Variants in DLG2 observed in about 807,000 individuals in gnomAD.
DLG2 encodes the protein disks large homolog 2.
A neutral mutation model predicts 132.5 loss-of-function variants in DLG2; 45 were observed. The observed-to-expected ratio is 0.34, with a 90% CI of 0.27 to 0.44. The LOEUF is 0.44. Among genes scored for constraint, DLG2 ranks in the 20% least tolerant of loss-of-function variants. DLG2 has a pLI of 1.00. For synonymous variants in DLG2, 424 were observed against 419.6 expected, an observed-to-expected ratio of 1.01 and a Z score of -0.13; for missense variants, 1,045 against 1,196.9, an observed-to-expected ratio of 0.87 and a Z score of 1.87.
chr11:84,070,350 C>T (rs571237890), intron 10 of DLG2, among the ~76,000 whole-genome samples: 1 of 152,294 alleles, frequency 6.6e-6, no homozygotes, highest in Admixed American at 6.5e-5. Flanking sequence ...GGCAAGTTCA[C>T]ACTCCATAGC....
intron 7 of DLG2, among the ~76,000 whole-genome samples, chr11:84,494,006 G>A (rs2099172958): frequency 6.6e-6 from 1 of 152,094 alleles, no homozygotes; most frequent in Non-Finnish European, 1.5e-5. Flanking sequence ...TAAGTGAGGT[G>A]GTTTAAAAGC....
intron 18 of DLG2, among the ~76,000 whole-genome samples, chr11:83,672,800 C>T (rs552444755): frequency 3.3e-5 from 5 of 152,318 alleles, no homozygotes; most frequent in African/African-American, 9.6e-5. Context: ...CGGTGGCTCA[C>T]GCCTGTAATC....
At chr11:85,520,277 A>C (rs1021364787) in intron 3 of DLG2, among the ~76,000 whole-genome samples, 2 of 152,192 alleles carry the variant, frequency 1.3e-5, no homozygotes, top group Admixed American at 6.5e-5. Context: ...AATATCTAGG[A>C]ATACCTTCAA....
intron 6 of DLG2, among the ~76,000 whole-genome samples, chr11:84,548,259 C>T (rs377305318): frequency 3.3e-5 from 5 of 152,108 alleles, no homozygotes; most frequent in South Asian, 2.1e-4. Context: ...AATGAGACAA[C>T]GCTAAGTATT....
At chr11:83,772,773 T>G (rs1014104883) in intron 18 of DLG2, among the ~76,000 whole-genome samples, 12 of 152,090 alleles carry the variant, frequency 7.9e-5, no homozygotes, top group African/African-American at 2.9e-4. Context: ...GTTAAGTGTT[T>G]TTTTCTTCTT....
chr11:85,601,672 A>G (rs1472773368), intron 2 of DLG2, among the ~76,000 whole-genome samples: 1 of 152,022 alleles, frequency 6.6e-6, no homozygotes, highest in East Asian at 1.9e-4. Flanking sequence ...TTGTCTTGCA[A>G]ATTTGCTGAA....
intron 4 of DLG2, among the ~76,000 whole-genome samples, chr11:85,267,709 A>C (rs887228169): frequency 6.6e-6 from 1 of 152,126 alleles, no homozygotes; most frequent in Admixed American, 6.6e-5. Context: ...GAAAATTTTT[A>C]TTTTCATTTT....
chr11:83,713,615 T>C (rs1040814346), intron 18 of DLG2, among the ~76,000 whole-genome samples: 2 of 151,998 alleles, frequency 1.3e-5, no homozygotes, highest in African/African-American at 4.8e-5. Context: ...AAGGAATATA[T>C]TTCCAGAAGA....
intron 18 of DLG2, chr11:83,647,026 T>C (rs2068410278): frequency 6.6e-6 from 1 of 152,148 alleles, no homozygotes; most frequent in Non-Finnish European, 1.5e-5. Context: ...TGTCTGGTGA[T>C]CCTTGCTTAT....
At position 83,639,963 on chromosome 11, in the gene DLG2, GA is replaced by G. The variant is rs560240241; in HGVS notation, c.1826-6639del. On this transcript the variant is annotated intron_variant, in intron 18 of 27. Coordinates refer to ENST00000376104, the MANE Select transcript of DLG2 (RefSeq NM_001142699.3). ...AAATGAGATTTGACTGAAGTGTTCTGAAAATATAAGATAGGTGTTGCTGTTA... is the reference window on the plus strand; with the variant it reads ...AAATGAGATTTGACTGAAGTGTTCTGAAATATAAGATAGGTGTTGCTGTTA... 2.4e-3 allele frequency among the ~76,000 whole-genome samples: 366 copies of G among 152,274 alleles called. 1 individual carries two copies. The highest frequency in any genetic ancestry group is 8.3e-3 in the African/African-American group (344 of 41,572).
intron 7 of DLG2, among the ~76,000 whole-genome samples, chr11:84,315,168 T>C (rs1006708776): frequency 2.6e-5 from 4 of 152,110 alleles, no homozygotes; most frequent in African/African-American, 9.7e-5. Flanking sequence ...TCTATTTCAA[T>C]CCTTGAAAGC....
intron 7 of DLG2, among the ~76,000 whole-genome samples, chr11:84,387,213 T>G (rs772705280): frequency 2.2e-4 from 33 of 152,112 alleles, no homozygotes; most frequent in South Asian, 6.2e-4. Context: ...ATTTACCTAG[T>G]ACCTTCCCCT....
intron 10 of DLG2, among the ~76,000 whole-genome samples, chr11:84,085,326 G>A (rs1246502451): frequency 6.6e-6 from 1 of 152,080 alleles, no homozygotes; most frequent in South Asian, 2.1e-4. Flanking sequence ...TATAAAATTT[G>A]GTTTCAGAAT....
At chr11:83,853,433 C>T (rs1409973187) in intron 16 of DLG2, among the ~76,000 whole-genome samples, 1 of 152,146 alleles carries the variant, frequency 6.6e-6, no homozygotes, top group Non-Finnish European at 1.5e-5. Context: ...GTCTACTATA[C>T]TCCTGGAGGG....
intron 6 of DLG2, among the ~76,000 whole-genome samples, chr11:84,552,180 G>C (rs2099403060): frequency 1.3e-5 from 2 of 152,142 alleles, no homozygotes; most frequent in African/African-American, 2.4e-5. Flanking sequence ...AGATATATTT[G>C]TTTTTGTTTA....
In DLG2 at chr11:84,513,746, A is replaced by T. The variant is rs111244071; in HGVS notation, c.519+20824T>A. Among the ~76,000 whole-genome samples, 155 of 152,112 alleles carry T rather than the reference A, an allele frequency of 1.0e-3. 1 individual carries two copies. The highest frequency in any genetic ancestry group is 3.4e-3 in the African/African-American group (143 of 41,544). On this transcript the variant is annotated intron_variant, in intron 7 of 27. Transcript: ENST00000376104. ...TGAAAGCATCACAAGAAAACATTGA[A>T]AAAAACCATCCAGGACATTGGTCCA...
chr11:84,724,562 C>T lies in DLG2; in HGVS notation c.358-189831G>A, dbSNP rs564896023. Among the ~76,000 whole-genome samples, 87 of 152,194 alleles carry T rather than the reference C, an allele frequency of 5.7e-4. 3 individuals are homozygous for T. The highest frequency in any genetic ancestry group is 1.8e-3 in the African/African-American group (76 of 41,550). On this transcript the variant is annotated intron_variant, in intron 6 of 27. Transcript: ENST00000376104. The stretch of plus-strand genomic sequence containing the variant: ...AACTAACAAACACTACAATTCAGGA[C>T]TTTTTTCTGCAAAAAACCTTTTACC...
chr11:83,824,185 A>G (rs1466203913), intron 17 of DLG2, among the ~76,000 whole-genome samples: 5 of 152,130 alleles, frequency 3.3e-5, no homozygotes, highest in Non-Finnish European at 7.4e-5. Context: ...TTTATCTCCA[A>G]TTCTCTACTG....
intron 3 of DLG2, among the ~76,000 whole-genome samples, chr11:85,594,956 C>T (rs2079628471): frequency 6.6e-6 from 1 of 150,618 alleles, no homozygotes; most frequent in Non-Finnish European, 1.5e-5. Flanking sequence ...ATCCCAGCTA[C>T]TCGGGAGGCT....
Sources: allele counts gnomAD v4.1 joint callset (sites outside exome capture counted in the v4.1 genomes callset), GRCh38; gene constraint gnomAD v4.1.1; transcripts MANE v1.5; gene names NCBI Gene and HGNC (gene_info 2026-07-23, HGNC 2026-07-21).